Variants in RLF observed in about 807,000 individuals in gnomAD.
The protein encoded by RLF is RLF zinc finger.
In RLF, 7 loss-of-function variants were observed where a neutral mutation model predicts 162.9. That is an observed-to-expected ratio of 0.04 (90% CI 0.02 to 0.08). The LOEUF (loss-of-function observed/expected upper bound fraction) is 0.08, where lower values mean the gene tolerates loss of function less well. Ranked by LOEUF, RLF falls within the 10% of genes least tolerant of loss-of-function variation. The pLI is 1.00. For synonymous variants in RLF, 782 were observed against 791.5 expected (o/e 0.99, Z 0.20); for missense variants, 1,664 against 2,244.7 (o/e 0.74, Z 5.23).
intron 1 of RLF, among the ~76,000 whole-genome samples, chr1:40,186,919 T>C (rs1205452617): frequency 2.0e-5 from 3 of 152,330 alleles, no homozygotes; most frequent in South Asian, 4.1e-4. Flanking sequence ...GCACTAAATA[T>C]AAATTTTTGA....
At chr1:40,220,071 T>A (rs191265588) in intron 5 of RLF, among the ~76,000 whole-genome samples, 7 of 151,986 alleles carry the variant, frequency 4.6e-5, no homozygotes, top group Non-Finnish European at 1.0e-4. Flanking sequence ...ATGGTGAAAC[T>A]AAAAATATAA....
At chr1:40,168,057 A>T (rs114787936) in intron 1 of RLF, among the ~76,000 whole-genome samples, 7,790 of 151,542 alleles carry the variant, frequency 0.051, 589 homozygotes, top group African/African-American at 0.17. Context: ...AAAAAAAATT[A>T]AAAATTAGCC....
intron 1 of RLF, among the ~76,000 whole-genome samples, chr1:40,169,334 C>T (rs992487569): frequency 1.3e-4 from 20 of 151,894 alleles, no homozygotes; most frequent in African/African-American, 4.6e-4. Flanking sequence ...AAGTGCTTCT[C>T]GGCCGGGCGC....
chr1:40,227,396 C>G (rs1418974789), intron 6 of RLF, among the ~76,000 whole-genome samples: 1 of 152,002 alleles, frequency 6.6e-6, no homozygotes, highest in African/African-American at 2.4e-5. Context: ...TATCCTAGCG[C>G]ATGTTTGATC....
intron 5 of RLF, among the ~76,000 whole-genome samples, chr1:40,210,601 G>A (rs1204480429): frequency 6.6e-6 from 1 of 152,192 alleles, no homozygotes; most frequent in East Asian, 1.9e-4. Flanking sequence ...TTTGCAGTTA[G>A]GAAGTGACAT....
At chr1:40,213,416 A>T (rs1642887398) in intron 5 of RLF, among the ~76,000 whole-genome samples, 1 of 152,198 alleles carries the variant, frequency 6.6e-6, no homozygotes, top group Non-Finnish European at 1.5e-5. Flanking sequence ...AAATGGAAGC[A>T]TTGGTGACCA....
At chr1:40,168,150 G>C (rs1036242212) in intron 1 of RLF, among the ~76,000 whole-genome samples, 9 of 152,094 alleles carry the variant, frequency 5.9e-5, no homozygotes. Context: ...AGGAGGTTGA[G>C]GCTGCAGTAA....
chr1:40,218,987 A>G (rs904101960), intron 5 of RLF, among the ~76,000 whole-genome samples: 23 of 150,570 alleles, frequency 1.5e-4, no homozygotes, highest in Admixed American at 1.4e-3. Flanking sequence ...TTGTTTCAGT[A>G]TCTTAAGTAT....
rs1269560949 is a variant in RLF, at chr1:40,238,655, ACTC to A, written c.3957_3959del (p.Ser1320del). ...TTCCATTGTATTCATAAAACTTGCA[ACTC>A]CTCATTCACCAATCTAAAAGGCTTA... On this transcript the variant is annotated inframe_deletion, in exon 8 of 8. Coordinates refer to ENST00000372771, the MANE Select transcript of RLF (RefSeq NM_012421.4). This position sits in a 1 kb window ranked among gnomAD's most constrained non-coding sequence, Gnocchi z 5.2. 4 of 1,613,218 alleles carry A rather than the reference ACTC, an allele frequency of 2.5e-6. No individual in the cohort carries two copies. The Admixed American group carries it at 6.7e-5, about 27-fold the overall frequency.
chr1:40,211,124 G>T (rs1042840136), intron 5 of RLF, among the ~76,000 whole-genome samples: 1 of 152,178 alleles, frequency 6.6e-6, no homozygotes, highest in Admixed American at 6.5e-5. Context: ...AAACTCTCTG[G>T]CCAGAAAAGC....
chr1:40,175,286 A>G (rs1419697459), intron 1 of RLF, among the ~76,000 whole-genome samples: 2 of 151,994 alleles, frequency 1.3e-5, no homozygotes, highest in African/African-American at 4.8e-5. Context: ...ATTTGGATCA[A>G]TCTTGTGTTT....
rs140753094 is a variant in RLF, at chr1:40,175,446, C to T, written c.238-13609C>T. On this transcript the variant is annotated intron_variant, in intron 1 of 7. Coordinates refer to ENST00000372771, the MANE Select transcript of RLF (RefSeq NM_012421.4). ...CAGGCGGATCATGAGGTCAGGAGTT[C>T]GAGACCAGCCTGGCCAGTATGGTGA... Among the ~76,000 whole-genome samples, 8 of 152,012 alleles carry T rather than the reference C, an allele frequency of 5.3e-5. No individual in the cohort carries two copies. In the East Asian group the frequency reaches 5.8e-4, roughly 11 times the overall value.
chr1:40,163,367 G>T (rs1207870297), intron 1 of RLF, among the ~76,000 whole-genome samples: 1 of 152,142 alleles, frequency 6.6e-6, no homozygotes, highest in Non-Finnish European at 1.5e-5. Flanking sequence ...TTTGGGTAAG[G>T]CTTCTAAGCT....
In RLF at chr1:40,238,876, A is replaced by G; in HGVS notation, c.4174A>G (p.Ile1392Val). ...TAGTGATTCTCATAACCTAGACCAT[A>G]TTGAAGAGCCTAAAGTACTTTCCGA... ...HCSDSHNLDH[I>V]EEPKVLSEAG... The change falls in exon 8 of 8, where the codon ATT becomes GTT. Residue 1392 changes from isoleucine (I) to valine (V), a missense_variant. This residue lies in a region of RLF where 200 missense variants were observed against 207.3 expected (regional missense o/e 0.96). Coordinates refer to ENST00000372771, the MANE Select transcript of RLF (RefSeq NM_012421.4). This position sits in a 1 kb window ranked among gnomAD's most constrained non-coding sequence, Gnocchi z 5.2. The G allele has an allele frequency of 1.9e-6, 3 of 1,614,232 alleles. No individual in the cohort carries two copies. Among genetic ancestry groups the G allele is most frequent in the Non-Finnish European group, 2.5e-6 (3 of 1,180,030 alleles).
At chr1:40,232,064 C>T (rs528171890) in intron 7 of RLF, among the ~76,000 whole-genome samples, 86 of 152,088 alleles carry the variant, frequency 5.7e-4, no homozygotes, top group African/African-American at 2.0e-3. Flanking sequence ...AAAAATTAGC[C>T]GGGCATGGTG....
intron 6 of RLF, among the ~76,000 whole-genome samples, chr1:40,230,642 A>G (rs549765483): frequency 3.1e-4 from 47 of 152,178 alleles, no homozygotes; most frequent in Non-Finnish European, 6.2e-4. Flanking sequence ...CATGTTGGCC[A>G]GCCTGGTTTC....
chr1:40,229,675 G>A (rs192263626), intron 6 of RLF, among the ~76,000 whole-genome samples: 2,682 of 150,882 alleles, frequency 0.018, 29 homozygotes, highest in Non-Finnish European at 0.027. Flanking sequence ...GGCTGGTCTC[G>A]AACTCCTGAC....
Position 40,240,265 on chromosome 1 carries a change from C to T in RLF, c.5563C>T (p.Pro1855Ser). The T allele has an allele frequency of 1.9e-6, 3 of 1,614,172 alleles. No individual in the cohort carries two copies. The highest frequency in any genetic ancestry group is 2.5e-6 in the Non-Finnish European group (3 of 1,180,024). The change falls in exon 8 of 8, where the codon CCT (proline) becomes TCT (serine). Residue 1855 changes from proline to serine, a missense_variant. Coordinates refer to ENST00000372771, the MANE Select transcript of RLF (RefSeq NM_012421.4). ...AATAGTAGCTGAAACAACAACAGTT[C>T]CTTCCTTGGAAAACCTGAGGGTTGT... Reference protein sequence around the residue: ...PLIVAETTTVPSLENLRVVLD... With the variant: ...PLIVAETTTVSSLENLRVVLD...
intron 5 of RLF, among the ~76,000 whole-genome samples, chr1:40,207,937 T>C (rs1302756912): frequency 1.3e-5 from 2 of 152,170 alleles, no homozygotes; most frequent in Non-Finnish European, 2.9e-5. Flanking sequence ...GATGTACTTA[T>C]ATCTAAGATA....
Sources: gnomAD v4.1 joint callset for allele counts (sites outside exome capture counted in the v4.1 genomes callset) on GRCh38, gnomAD v4.1.1 for gene constraint, gnomAD v4.1.1 regional missense constraint, Gnocchi (gnomAD v3.1) non-coding constraint, MANE v1.5 for transcripts, NCBI Gene and HGNC (gene_info 2026-07-23, HGNC 2026-07-21) for gene names.